The following XKR4 variants were observed in gnomAD, a reference collection of about 807,000 sequenced individuals.
XKR4 encodes the protein XK-related protein 4.
In XKR4, 12 loss-of-function variants were observed where a neutral mutation model predicts 53.9. That is an observed-to-expected ratio of 0.22 (90% CI 0.14 to 0.36). The LOEUF is 0.36. Among genes scored for constraint, XKR4 ranks in the 10% least tolerant of loss-of-function variants. The probability of loss-of-function intolerance (pLI) is 1.00; values close to 1 mark genes in which losing one functional copy is unlikely to be tolerated. For missense variants in XKR4, 799 were observed against 859.5 expected (o/e 0.93, Z 0.88); for synonymous variants, 354 against 362.4 (o/e 0.98, Z 0.26).
intron 1 of XKR4, among the ~76,000 whole-genome samples, chr8:55,116,183 C>T (rs915236203): frequency 1.3e-5 from 2 of 152,112 alleles, no homozygotes; most frequent in Admixed American, 6.6e-5. Flanking sequence ...TAGTGGAGAG[C>T]GAGGCTGGGT....
intron 1 of XKR4, among the ~76,000 whole-genome samples, chr8:55,243,006 G>C (rs1244284542): frequency 1.3e-5 from 2 of 152,124 alleles, no homozygotes; most frequent in African/African-American, 4.8e-5. Context: ...GCCTATTTTT[G>C]TTGTATTCCT....
chr8:55,286,166 A>G lies in XKR4; in HGVS notation c.807-71512A>G, dbSNP rs557699948. On this transcript the variant is annotated intron_variant, in intron 1 of 2. Coordinates refer to ENST00000327381, the MANE Select transcript of XKR4 (RefSeq NM_052898.2). ...AAAACAAAGAGGGTCTCCTCCCTCA[A>G]AATGACAATTGTGAAATGAGTGGCT... Among the ~76,000 whole-genome samples the G allele has an allele frequency of 1.6e-4, 24 of 152,338 alleles. No individual in the cohort carries two copies. The Middle Eastern group carries it at 0.01, about 65-fold the overall frequency.
At chr8:55,413,101 T>A (rs1804798781) in intron 2 of XKR4, among the ~76,000 whole-genome samples, 1 of 152,248 alleles carries the variant, frequency 6.6e-6, no homozygotes, top group African/African-American at 2.4e-5. Context: ...TTACTAATAT[T>A]TAGTCCACAA....
intron 2 of XKR4, among the ~76,000 whole-genome samples, chr8:55,392,813 G>C (rs1021927374): frequency 5.9e-5 from 9 of 152,116 alleles, no homozygotes; most frequent in Non-Finnish European, 1.3e-4. Context: ...AAATATCAAT[G>C]AATAAACAAG....
At chr8:55,514,342 C>T (rs750811487) in intron 2 of XKR4, among the ~76,000 whole-genome samples, 96 of 151,130 alleles carry the variant, frequency 6.4e-4, no homozygotes, top group Middle Eastern at 3.4e-3. Flanking sequence ...CTGCAACCTC[C>T]GCCTCCTAGG....
intron 1 of XKR4, among the ~76,000 whole-genome samples, chr8:55,233,142 A>G (rs1818068287): frequency 6.6e-6 from 1 of 152,170 alleles, no homozygotes; most frequent in African/African-American, 2.4e-5. Context: ...TGAAAGGGGG[A>G]ATTCATTATA....
rs924810833 is a variant in XKR4, at chr8:55,529,003, G to A, written c.*4776G>A. ...ATCAGACCACTGAAGTTGTTGTGTT[G>A]ACATATGTCTTATCTAGTTGCTGTC... On this transcript the variant is annotated 3_prime_UTR_variant, in exon 3 of 3. Coordinates refer to ENST00000327381, the MANE Select transcript of XKR4 (RefSeq NM_052898.2). 1 of 149,542 alleles carries A rather than the reference G, an allele frequency of 6.7e-6. No individual in the cohort carries two copies. The highest frequency in any genetic ancestry group is 1.5e-5 in the Non-Finnish European group (1 of 67,632). The allele number at this position is 149,542 out of a possible 1,614,324, so 9.3% of individuals were successfully genotyped here.
At chr8:55,151,700 A>G (rs1816842976) in intron 1 of XKR4, among the ~76,000 whole-genome samples, 1 of 152,192 alleles carries the variant, frequency 6.6e-6, no homozygotes. Context: ...CCTCACTATC[A>G]ATAATTTTGT....
chr8:55,273,686 C>A (rs1165845188), intron 1 of XKR4, among the ~76,000 whole-genome samples: 2 of 152,156 alleles, frequency 1.3e-5, no homozygotes, highest in Non-Finnish European at 2.9e-5. Flanking sequence ...CTCCGACTCC[C>A]TATGATTTCA....
intron 2 of XKR4, among the ~76,000 whole-genome samples, chr8:55,483,487 C>G (rs557489946): frequency 2.6e-5 from 4 of 151,688 alleles, no homozygotes; most frequent in Non-Finnish European, 5.9e-5. Flanking sequence ...GGCTGGAAAA[C>G]TGAATTGAGC....
chr8:55,345,762 G>T (rs1438487579), intron 1 of XKR4, among the ~76,000 whole-genome samples: 1 of 152,186 alleles, frequency 6.6e-6, no homozygotes, highest in African/African-American at 2.4e-5. Context: ...GTGAGAGGTG[G>T]TGTGCTTGGG....
intron 1 of XKR4, among the ~76,000 whole-genome samples, chr8:55,303,914 G>T (rs984074262): frequency 3.9e-5 from 6 of 151,910 alleles, no homozygotes; most frequent in African/African-American, 9.7e-5. Context: ...CTTGCTAGTG[G>T]TCTATCAATT....
chr8:55,473,826 CCTT>C (rs1805930543), intron 2 of XKR4, among the ~76,000 whole-genome samples: 1 of 151,820 alleles, frequency 6.6e-6, no homozygotes, highest in South Asian at 2.1e-4. Context: ...TCCCTTCTTT[CCTT>C]CTTTTCTTTT....
intron 2 of XKR4, among the ~76,000 whole-genome samples, chr8:55,505,922 A>T (rs1046827724): frequency 6.6e-6 from 1 of 152,262 alleles, no homozygotes; most frequent in Non-Finnish European, 1.5e-5. Context: ...CATGACACCA[A>T]ATAATCTTCC....
chr8:55,468,750 T>G (rs1805825678), intron 2 of XKR4, among the ~76,000 whole-genome samples: 1 of 152,160 alleles, frequency 6.6e-6, no homozygotes, highest in Non-Finnish European at 1.5e-5. Context: ...TGAAACAAGC[T>G]GATCTCTAAG....
chr8:55,259,705 C>G (rs112648730), intron 1 of XKR4, among the ~76,000 whole-genome samples: 3 of 152,172 alleles, frequency 2.0e-5, no homozygotes, highest in African/African-American at 7.2e-5. Flanking sequence ...ATTGATCTAC[C>G]TATCTGGTCA....
intron 1 of XKR4, among the ~76,000 whole-genome samples, chr8:55,279,393 T>C (rs573519784): frequency 6.6e-6 from 1 of 152,284 alleles, no homozygotes; most frequent in South Asian, 2.1e-4. Context: ...GTGGGAGCAC[T>C]TTCAGTGGCT....
chr8:55,208,279 C>A (rs1410187885), intron 1 of XKR4, among the ~76,000 whole-genome samples: 1 of 152,098 alleles, frequency 6.6e-6, no homozygotes, highest in Non-Finnish European at 1.5e-5. Context: ...GTCCATAAAA[C>A]CCAATTCGCT....
At chr8:55,325,013 A>G (rs1199037315) in intron 1 of XKR4, among the ~76,000 whole-genome samples, 1 of 152,238 alleles carries the variant, frequency 6.6e-6, no homozygotes, top group African/African-American at 2.4e-5. Flanking sequence ...GATCCTTGAC[A>G]GTCAAAACTG....
Sources: allele counts gnomAD v4.1 joint callset (sites outside exome capture counted in the v4.1 genomes callset), GRCh38; gene constraint gnomAD v4.1.1; transcripts MANE v1.5; gene names NCBI Gene and HGNC (gene_info 2026-07-23, HGNC 2026-07-21).